The following AGPS variants were observed in gnomAD, a reference collection of about 807,000 sequenced individuals.
AGPS encodes alkylglycerone phosphate synthase, also known as alkyldihydroxyacetonephosphate synthase, peroxisomal.
AGPS carries 26 observed loss-of-function variants against 90.7 expected under a neutral mutation model. The ratio of observed to expected loss-of-function variants is 0.29; its 90% CI spans 0.21 to 0.40. AGPS has a LOEUF of 0.40. AGPS is among the 10% of genes least tolerant of loss of function. The pLI, the probability that AGPS is intolerant of heterozygous loss-of-function variation, is 1.00. For missense variants in AGPS, 540 were observed against 816.1 expected, an observed-to-expected ratio of 0.66 and a Z score of 4.12; for synonymous variants, 294 against 285.3, an observed-to-expected ratio of 1.03 and a Z score of -0.31.
intron 10 of AGPS, among the ~76,000 whole-genome samples, chr2:177,478,043 C>G (rs1013559362): frequency 6.6e-6 from 1 of 152,162 alleles, no homozygotes; most frequent in Non-Finnish European, 1.5e-5. Flanking sequence ...GGTTTTCCAG[C>G]AGTGAAGTCC....
At chr2:177,408,666 G>T (rs991734313) in intron 1 of AGPS, among the ~76,000 whole-genome samples, 1 of 151,980 alleles carries the variant, frequency 6.6e-6, no homozygotes, top group African/African-American at 2.4e-5. Flanking sequence ...TTCTACTCAG[G>T]GCCATCCTCT....
chr2:177,513,954 G>GTT, intron 17 of AGPS, 46 bp downstream of exon 17: 2 of 1,434,192 alleles, frequency 1.4e-6, no homozygotes, highest in African/African-American at 1.4e-5. Flanking sequence ...TGAAAAAAAT[G>GTT]TTTTTTTTAA....
intron 9 of AGPS, among the ~76,000 whole-genome samples, chr2:177,464,755 A>C (rs1269527802): frequency 6.6e-6 from 1 of 152,242 alleles, no homozygotes; most frequent in African/African-American, 2.4e-5. Context: ...TATTAGCGGT[A>C]ATCCACTGCT....
chr2:177,393,838 A>G (rs1479416056), intron 1 of AGPS, among the ~76,000 whole-genome samples: 1 of 150,820 alleles, frequency 6.6e-6, no homozygotes, highest in Non-Finnish European at 1.5e-5. Flanking sequence ...GATGAAGGCT[A>G]TTAGGAGAAG....
chr2:177,506,489 T>G (rs983519463), intron 15 of AGPS, among the ~76,000 whole-genome samples: 17 of 151,934 alleles, frequency 1.1e-4, no homozygotes, highest in African/African-American at 3.9e-4. Flanking sequence ...ATTTTTCTCT[T>G]GGAAATTTTG....
At chr2:177,488,216 CTT>C (rs772897996) in intron 11 of AGPS, among the ~76,000 whole-genome samples, 2 of 143,690 alleles carry the variant, frequency 1.4e-5, no homozygotes, top group Non-Finnish European at 3.1e-5. Flanking sequence ...CTTTTTTGAA[CTT>C]TTTTTTTTTT....
intron 5 of AGPS, among the ~76,000 whole-genome samples, chr2:177,438,145 G>C (rs1411688151): frequency 6.6e-6 from 1 of 152,100 alleles, no homozygotes; most frequent in Non-Finnish European, 1.5e-5. Context: ...AAACATGAAA[G>C]CAAAATTTAT....
chr2:177,519,359 G>A (rs9710796), intron 17 of AGPS, among the ~76,000 whole-genome samples: 2 of 151,894 alleles, frequency 1.3e-5, no homozygotes, highest in African/African-American at 4.8e-5. Flanking sequence ...TTCCCAATCC[G>A]ACCTATCCCA....
At chr2:177,408,848 C>T (rs1685541268) in intron 1 of AGPS, among the ~76,000 whole-genome samples, 1 of 152,160 alleles carries the variant, frequency 6.6e-6, no homozygotes, top group African/African-American at 2.4e-5. Context: ...TTAACTTTTT[C>T]TCATGTCTTA....
At chr2:177,500,434 A>G (rs1688527591) in intron 14 of AGPS, among the ~76,000 whole-genome samples, 1 of 151,938 alleles carries the variant, frequency 6.6e-6, no homozygotes, top group Non-Finnish European at 1.5e-5. Context: ...TATCATATAC[A>G]TTATGCTTAA....
chr2:177,509,025 G>A (rs1017075821), intron 16 of AGPS, among the ~76,000 whole-genome samples: 1 of 152,066 alleles, frequency 6.6e-6, no homozygotes, highest in African/African-American at 2.4e-5. Flanking sequence ...AATCTACAAT[G>A]AAGTGTATAG....
At chr2:177,510,551 T>A (rs1688840529) in intron 16 of AGPS, among the ~76,000 whole-genome samples, 1 of 152,252 alleles carries the variant, frequency 6.6e-6, no homozygotes, top group Admixed American at 6.5e-5. Context: ...TGTTTTTTTA[T>A]TCTTCCAACT....
At chr2:177,518,293 A>T (rs1689078346) in intron 17 of AGPS, among the ~76,000 whole-genome samples, 1 of 152,048 alleles carries the variant, frequency 6.6e-6, no homozygotes, top group East Asian at 1.9e-4. Flanking sequence ...AAAATTAGCC[A>T]GGTGTGGTGG....
chr2:177,461,396 C>A (rs1238572465), intron 8 of AGPS, among the ~76,000 whole-genome samples: 1 of 152,194 alleles, frequency 6.6e-6, no homozygotes, highest in African/African-American at 2.4e-5. Flanking sequence ...ACACATGACT[C>A]CTTGAGAGAA....
chr2:177,425,933 T>C (rs1396148934), intron 2 of AGPS, among the ~76,000 whole-genome samples: 3 of 152,190 alleles, frequency 2.0e-5, no homozygotes, highest in Non-Finnish European at 4.4e-5. Flanking sequence ...GTGAAGAATG[T>C]CAATGATAGT....
intron 15 of AGPS, among the ~76,000 whole-genome samples, chr2:177,507,367 G>A (rs1688745434): frequency 1.3e-5 from 2 of 152,046 alleles, no homozygotes; most frequent in Non-Finnish European, 2.9e-5. Context: ...AGTATTATAA[G>A]TTACTTGTAA....
chr2:177,517,516 C>T (rs1220691814), intron 17 of AGPS, among the ~76,000 whole-genome samples: 3 of 152,068 alleles, frequency 2.0e-5, no homozygotes, highest in Non-Finnish European at 4.4e-5. Context: ...GTTTGGAAAA[C>T]TTAACTGATC....
At chr2:177,493,977 C>T (rs888530748) in intron 12 of AGPS, among the ~76,000 whole-genome samples, 2 of 152,136 alleles carry the variant, frequency 1.3e-5, no homozygotes, top group African/African-American at 4.8e-5. Context: ...TTGAAGACAA[C>T]ACCTAGACTG....
intron 13 of AGPS, among the ~76,000 whole-genome samples, chr2:177,498,813 T>C (rs1688481028): frequency 6.6e-6 from 1 of 151,844 alleles, no homozygotes; most frequent in South Asian, 2.1e-4. Context: ...ATCTAAGAAA[T>C]AGATTCCATT....
Sources: allele counts gnomAD v4.1 joint callset (sites outside exome capture counted in the v4.1 genomes callset), GRCh38; gene constraint gnomAD v4.1.1; transcripts MANE v1.5; gene names NCBI Gene and HGNC (gene_info 2026-07-23, HGNC 2026-07-21).